The following STMN4 variants were observed in gnomAD, a reference collection of about 807,000 sequenced individuals.
STMN4 encodes the protein stathmin-4.
Under a neutral mutation model 29.1 loss-of-function variants are expected in STMN4, and 12 were observed. The ratio of observed to expected loss-of-function variants is 0.41; its 90% confidence interval spans 0.26 to 0.67. The LOEUF is 0.67. Among genes scored for constraint, STMN4 ranks in the 30% least tolerant of loss-of-function variants. The probability of loss-of-function intolerance (pLI) is 0.30; values close to 1 mark genes in which losing one functional copy is unlikely to be tolerated. For synonymous variants in STMN4, 114 were observed against 105.3 expected (o/e 1.08, Z -0.51); for missense variants, 181 against 262.8 (o/e 0.69, Z 2.15).
At chr8:27,250,038 C>T (rs1018530506) in intron 1 of STMN4, among the ~76,000 whole-genome samples, 2 of 152,142 alleles carry the variant, frequency 1.3e-5, no homozygotes, top group Admixed American at 6.5e-5. Context: ...GGATGAATAC[C>T]TCATGGTTGT....
At chr8:27,248,295 C>G (rs1017170809) in intron 1 of STMN4, among the ~76,000 whole-genome samples, 2 of 152,074 alleles carry the variant, frequency 1.3e-5, no homozygotes, top group South Asian at 4.2e-4. Context: ...GGCAAAGATT[C>G]GAGTGTGGCC....
At chr8:27,239,650 G>A in intron 6 of STMN4, 3 of 1,371,922 alleles carry the variant, frequency 2.2e-6, no homozygotes, top group East Asian at 5.0e-5. Context: ...ATGCATACCT[G>A]CTTGTCTATC....
chr8:27,242,381 C>T lies in STMN4; in HGVS notation c.109+16G>A. On this transcript the variant is annotated intron_variant, in intron 3 of 6. Coordinates refer to ENST00000350889, the MANE Select transcript of STMN4 (RefSeq NM_030795.4). ...GCCCCCCCGCCCCTCACTTTCCTGGCTGAGCCTTCACTGACCTTCATATTT... is the reference window on the plus strand; with the variant it reads ...GCCCCCCCGCCCCTCACTTTCCTGGTTGAGCCTTCACTGACCTTCATATTT... The T allele has an allele frequency of 6.2e-7, 1 of 1,614,038 alleles. No homozygotes were observed. Among genetic ancestry groups the T allele is most frequent in the Non-Finnish European group, 8.5e-7 (1 of 1,179,922 alleles).
chr8:27,248,461 C>T (rs1044954724), intron 1 of STMN4, among the ~76,000 whole-genome samples: 5 of 152,044 alleles, frequency 3.3e-5, no homozygotes, highest in African/African-American at 1.2e-4. Flanking sequence ...TGCAGTGGGA[C>T]AGAATGCTAG....
chr8:27,236,663 T>G lies in STMN4; in HGVS notation c.*183A>C. The G allele has an allele frequency of 2.1e-6, 1 of 473,778 alleles. No homozygotes were observed. The highest frequency in any genetic ancestry group is 4.3e-5 in the South Asian group (1 of 23,272). The allele number at this position is 473,778 out of a possible 1,614,324, so 29.3% of individuals were successfully genotyped here. ...CCCGTCATTGTTCCCCGGAAACAAATAGGATGGCTTCACTGGTCAATTCTT... is the reference window on the plus strand; with the variant it reads ...CCCGTCATTGTTCCCCGGAAACAAAGAGGATGGCTTCACTGGTCAATTCTT... On this transcript the variant is annotated 3_prime_UTR_variant, in exon 7 of 7. Transcript: ENST00000350889.
chr8:27,244,675 G>T (rs762946580), intron 1 of STMN4, among the ~76,000 whole-genome samples: 2 of 152,010 alleles, frequency 1.3e-5, no homozygotes, highest in African/African-American at 4.8e-5. Flanking sequence ...GCCAAGGGTC[G>T]GGGTGAGAAC....
At chr8:27,238,114 G>A (rs369158211) in intron 6 of STMN4, among the ~76,000 whole-genome samples, 1 of 152,124 alleles carries the variant, frequency 6.6e-6, no homozygotes, top group Non-Finnish European at 1.5e-5. Flanking sequence ...CACAGGGCAG[G>A]GGTTCCCAAA....
At chr8:27,257,147 G>A (rs187814603) in intron 1 of STMN4, among the ~76,000 whole-genome samples, 537 of 152,254 alleles carry the variant, frequency 3.5e-3, no homozygotes, top group Non-Finnish European at 5.7e-3. Context: ...CTGCAGATCA[G>A]ACCTTTTCCC....
intron 6 of STMN4, chr8:27,239,439 G>C (rs1801401099): frequency 1.3e-6 from 1 of 777,736 alleles, no homozygotes; most frequent in African/African-American, 1.7e-5. Flanking sequence ...TCATATTTAG[G>C]TGACACCGTT....
At chr8:27,255,232 T>TA (rs989209970) in intron 1 of STMN4, among the ~76,000 whole-genome samples, 1 of 152,072 alleles carries the variant, frequency 6.6e-6, no homozygotes, top group East Asian at 1.9e-4. Flanking sequence ...TTCTCAAGCT[T>TA]AAAAAAAATG....
intron 6 of STMN4, 200 bp downstream of exon 6, chr8:27,239,771 C>A: frequency 6.6e-7 from 1 of 1,520,118 alleles, no homozygotes; most frequent in Non-Finnish European, 8.8e-7. Context: ...CCAAGGAAAC[C>A]CTGAGTCTGG....
chr8:27,236,751 CA>C lies in STMN4; in HGVS notation c.*94del. Reference sequence around the variant, plus strand: ...TGGCCACCCCCCTCCCCCCAAACCCCAGTGCTGGGAGCGCAGCCGGCGGGCG... The same window carrying C: ...TGGCCACCCCCCTCCCCCCAAACCCCGTGCTGGGAGCGCAGCCGGCGGGCG... On this transcript the variant is annotated 3_prime_UTR_variant, in exon 7 of 7. Transcript: ENST00000350889. 1 of 1,226,044 alleles carries C rather than the reference CA, an allele frequency of 8.2e-7. No individual in the cohort carries two copies. Among genetic ancestry groups the C allele is most frequent in the Non-Finnish European group, 1.1e-6 (1 of 906,276 alleles). 75.9% of individuals were successfully genotyped at this position (1,226,044 alleles called of 1,614,324 possible).
At chr8:27,249,958 A>G (rs897612149) in intron 1 of STMN4, among the ~76,000 whole-genome samples, 1 of 152,234 alleles carries the variant, frequency 6.6e-6, no homozygotes, top group Non-Finnish European at 1.5e-5. Context: ...TGCATGTCCC[A>G]GTGGCTTGAA....
intron 1 of STMN4, among the ~76,000 whole-genome samples, chr8:27,256,500 A>G (rs1801945885): frequency 6.6e-6 from 1 of 152,230 alleles, no homozygotes; most frequent in African/African-American, 2.4e-5. Flanking sequence ...GAAGCTCACA[A>G]AAGGTGCTAC....
chr8:27,237,012 A>C, intron 6 of STMN4, 107 bp from the exon 7 acceptor site: 2 of 1,235,176 alleles, frequency 1.6e-6, no homozygotes, highest in Non-Finnish European at 2.2e-6. Context: ...CACCACAGGC[A>C]GCGAAGAGCT....
At chr8:27,245,257 A>G (rs1175828176) in intron 1 of STMN4, among the ~76,000 whole-genome samples, 1 of 152,256 alleles carries the variant, frequency 6.6e-6, no homozygotes, top group Non-Finnish European at 1.5e-5. Flanking sequence ...TGTCTTTTGC[A>G]TCAGGACAGC....
intron 2 of STMN4, among the ~76,000 whole-genome samples, 174 bp from the exon 3 acceptor site, chr8:27,242,666 TC>T (rs1003958219): frequency 2.6e-5 from 4 of 152,172 alleles, no homozygotes; most frequent in African/African-American, 9.7e-5. Flanking sequence ...CTGTTCAGGA[TC>T]CCTGTGTGGG....
chr8:27,247,256 A>G (rs1194950243), intron 1 of STMN4, among the ~76,000 whole-genome samples: 1 of 130,504 alleles, frequency 7.7e-6, no homozygotes, highest in African/African-American at 2.5e-5. Flanking sequence ...CTTTGTCTCA[A>G]AAAAAAAAAA....
At position 27,241,132 on chromosome 8, in the gene STMN4, G is replaced by A. The variant is rs779977912; in HGVS notation, c.321C>T (p.Asn107=). The A allele has an allele frequency of 8.1e-6, 13 of 1,614,084 alleles. No individual in the cohort carries two copies. Among genetic ancestry groups the A allele is most frequent in the South Asian group, 7.7e-5 (7 of 91,092 alleles). Residue 107 remains asparagine (N), a synonymous_variant, in exon 5 of 7, where the codon AAC becomes AAT. Coordinates refer to ENST00000350889, the MANE Select transcript of STMN4 (RefSeq NM_030795.4). ...PPSFDGVPEF[N]ASLPRRRDPS... is the part of the protein sequence containing the mutation. ...GGTCTCGCCGCCTTGGCAGGGAGGC[G>A]TTGAACTCGGGAACCCCATCAAAGG...
Sources: allele counts gnomAD v4.1 joint callset (sites outside exome capture counted in the v4.1 genomes callset), GRCh38; gene constraint gnomAD v4.1.1; transcripts MANE v1.5; gene names NCBI Gene and HGNC (gene_info 2026-07-23, HGNC 2026-07-21).